The following TYR variants were observed in gnomAD, a reference collection of about 807,000 sequenced individuals.
TYR encodes the protein tyrosinase.
TYR carries 58 observed loss-of-function variants against 51.5 expected under a neutral mutation model. That is an observed-to-expected ratio of 1.13 (90% confidence interval 0.91 to 1.40). TYR has a LOEUF of 1.40. Among genes scored for constraint, TYR ranks in the 40% most tolerant of loss-of-function variants. The pLI, the probability that TYR is intolerant of heterozygous loss-of-function variation, is 0.00. For synonymous variants in TYR, 263 were observed against 235.2 expected (o/e 1.12, Z -1.08); for missense variants, 732 against 647.4 (o/e 1.13, Z -1.42).
At chr11:89,236,942 C>T (rs1052389069) in intron 3 of TYR, among the ~76,000 whole-genome samples, 3 of 152,170 alleles carry the variant, frequency 2.0e-5, no homozygotes, top group Admixed American at 6.6e-5. Context: ...CATTTCCCAA[C>T]TTGGCATTCA....
chr11:89,249,218 G>C (rs1436037667), intron 3 of TYR, among the ~76,000 whole-genome samples: 2 of 152,000 alleles, frequency 1.3e-5, no homozygotes, highest in African/African-American at 4.8e-5. Context: ...TATCTATTTA[G>C]CATTAATCAC....
intron 4 of TYR, among the ~76,000 whole-genome samples, chr11:89,293,162 T>C (rs924590798): frequency 6.6e-6 from 1 of 152,120 alleles, no homozygotes; most frequent in Non-Finnish European, 1.5e-5. Flanking sequence ...TATAGAATCA[T>C]CTGTTTTATT....
intron 1 of TYR, among the ~76,000 whole-genome samples, chr11:89,186,309 C>G (rs986440143): frequency 1.3e-5 from 2 of 152,160 alleles, no homozygotes; most frequent in African/African-American, 4.8e-5. Flanking sequence ...GATCTGTGGT[C>G]TTGGTGTTGA....
chr11:89,258,721 C>T (rs1944423559), intron 3 of TYR, among the ~76,000 whole-genome samples: 1 of 151,992 alleles, frequency 6.6e-6, no homozygotes, highest in African/African-American at 2.4e-5. Context: ...TAGGCACTGG[C>T]CTGTTTTCTA....
chr11:89,275,752 ACAGT>A (rs934372639), intron 3 of TYR, among the ~76,000 whole-genome samples: 2 of 151,840 alleles, frequency 1.3e-5, no homozygotes, highest in African/African-American at 4.8e-5. Flanking sequence ...AGGTACAGAA[ACAGT>A]CAGATTGGTT....
At position 89,178,060 on chromosome 11, in the gene TYR, G is replaced by A. The variant is rs61753179; in HGVS notation, c.107G>A (p.Cys36Tyr). 1.9e-6 allele frequency: 3 copies of A among 1,614,218 alleles called. No homozygotes were observed. Among genetic ancestry groups the A allele is most frequent in the Middle Eastern group, 1.7e-4 (1 of 6,060 alleles). Reference protein sequence around the residue: ...SSKNLMEKECCPPWSGDRSPC... With the variant: ...SSKNLMEKECYPPWSGDRSPC... The stretch of plus-strand genomic sequence containing the variant: ...AAGAACCTGATGGAGAAGGAATGCT[G>A]TCCACCGTGGAGCGGGGACAGGAGT... The change falls in exon 1 of 5, where the codon TGT (cysteine) becomes TAT (tyrosine). Residue 36 changes from cysteine to tyrosine, a missense_variant. Cys to Tyr is a radical substitution (Grantham distance 194). Transcript: ENST00000263321.
At chr11:89,272,649 C>A (rs1230717991) in intron 3 of TYR, among the ~76,000 whole-genome samples, 1 of 151,882 alleles carries the variant, frequency 6.6e-6, no homozygotes, top group East Asian at 1.9e-4. Flanking sequence ...TAAAGCCAGG[C>A]ATTGAGTTCT....
At position 89,295,123 on chromosome 11, in the gene TYR, G is replaced by A; in HGVS notation, c.1367-20G>A. On this transcript the variant is annotated intron_variant, in intron 4 of 4. Coordinates refer to ENST00000263321, the MANE Select transcript of TYR (RefSeq NM_000372.5). ...CAATGGTGGTAACAATAAAAACAAT[G>A]GGATGTCTTTTTATTTCAGACCCAG... The A allele has an allele frequency of 6.2e-7, 1 of 1,613,066 alleles. No homozygotes were observed. Among genetic ancestry groups the A allele is most frequent in the Non-Finnish European group, 8.5e-7 (1 of 1,179,562 alleles).
At chr11:89,265,876 T>C (rs1336341147) in intron 3 of TYR, among the ~76,000 whole-genome samples, 1 of 151,874 alleles carries the variant, frequency 6.6e-6, no homozygotes, top group African/African-American at 2.4e-5. Context: ...ATTTTTCCAA[T>C]TGGAATAGAG....
chr11:89,178,030 C>T lies in TYR; in HGVS notation c.77C>T (p.Ser26Phe). The change falls in exon 1 of 5, where the codon TCC becomes TTC. Residue 26 changes from serine to phenylalanine, a missense_variant. Transcript: ENST00000263321. ...SAGHFPRACV[S>F]SKNLMEKECC... ...GGCCATTTCCCTAGAGCCTGTGTCT[C>T]CTCTAAGAACCTGATGGAGAAGGAA... 6.2e-7 allele frequency: 1 copy of T among 1,614,166 alleles called. No homozygotes were observed. The highest frequency in any genetic ancestry group is 1.7e-4 in the Middle Eastern group (1 of 6,060).
At chr11:89,264,439 T>A (rs1293968709) in intron 3 of TYR, among the ~76,000 whole-genome samples, 1 of 151,858 alleles carries the variant, frequency 6.6e-6, no homozygotes, top group African/African-American at 2.4e-5. Context: ...TAAACTAATG[T>A]CATGGGAGTT....
At chr11:89,191,736 G>A (rs567936678) in intron 2 of TYR, among the ~76,000 whole-genome samples, 17 of 152,104 alleles carry the variant, frequency 1.1e-4, no homozygotes, top group African/African-American at 1.9e-4. Context: ...TTCCAGCCTC[G>A]GTAACAAAGT....
At chr11:89,229,130 T>G (rs949637991) in intron 3 of TYR, among the ~76,000 whole-genome samples, 1 of 152,130 alleles carries the variant, frequency 6.6e-6, no homozygotes, top group Non-Finnish European at 1.5e-5. Flanking sequence ...TTCATTCATG[T>G]CCACAGGAAC....
Position 89,295,345 on chromosome 11 carries a change from C to T in TYR, c.1569C>T (p.Ser523=). The T allele has an allele frequency of 2.5e-6, 4 of 1,612,106 alleles. No homozygotes were observed. The highest frequency in any genetic ancestry group is 1.7e-4 in the Middle Eastern group (1 of 6,018). ...TCATGGAGAAAGAGGATTACCACAG[C>T]TTGTATCAGAGCCATTTATAAAAGG... is the stretch of plus-strand genomic sequence containing the variant. ...PLLMEKEDYH[S]LYQSHL is the part of the protein sequence containing the mutation. Residue 523 remains serine (S), a synonymous_variant, in exon 5 of 5, where the codon AGC becomes AGT. Transcript: ENST00000263321.
In TYR at chr11:89,214,036, C is replaced by T. The variant is rs1339495588; in HGVS notation, c.1037-13787C>T. Among the ~76,000 whole-genome samples the T allele has an allele frequency of 2.0e-5, 3 of 152,046 alleles. No homozygotes were observed. In the East Asian group the frequency reaches 5.8e-4, roughly 29 times the overall value. On this transcript the variant is annotated intron_variant, in intron 2 of 4. Coordinates refer to ENST00000263321, the MANE Select transcript of TYR (RefSeq NM_000372.5). ...CCGTTGAGAACACAGGCAAAGACTT[C>T]ATGACTAAAACACCAAAAGCAATGG...
At chr11:89,237,133 C>T (rs1052016861) in intron 3 of TYR, among the ~76,000 whole-genome samples, 1 of 152,140 alleles carries the variant, frequency 6.6e-6, no homozygotes, top group African/African-American at 2.4e-5. Context: ...TTATTTTGGA[C>T]ACATCAATTA....
chr11:89,204,756 C>T lies in TYR; in HGVS notation c.1036+13338C>T, dbSNP rs374340543. 1.2e-4 allele frequency among the ~76,000 whole-genome samples: 18 copies of T among 151,152 alleles called. No individual in the cohort carries two copies. The East Asian group carries it at 3.5e-3, about 29-fold the overall frequency. ...ATAAGATCTGTAGTCTCATAAAATA[C>T]CCAAAATGTCCAGGTTGAAAACAGA... On this transcript the variant is annotated intron_variant, in intron 2 of 4. Transcript: ENST00000263321.
intron 2 of TYR, among the ~76,000 whole-genome samples, chr11:89,197,898 G>C (rs1165812142): frequency 6.6e-6 from 1 of 151,658 alleles, no homozygotes; most frequent in Non-Finnish European, 1.5e-5. Flanking sequence ...CTGATATTAT[G>C]CTTCCTTCTC....
chr11:89,267,572 T>C (rs913213539), intron 3 of TYR, among the ~76,000 whole-genome samples: 7 of 151,956 alleles, frequency 4.6e-5, no homozygotes, highest in African/African-American at 1.7e-4. Flanking sequence ...AAACATAATA[T>C]ATTCTCCTCA....
Sources: allele counts gnomAD v4.1 joint callset (sites outside exome capture counted in the v4.1 genomes callset), GRCh38; gene constraint gnomAD v4.1.1; transcripts MANE v1.5; gene names NCBI Gene and HGNC (gene_info 2026-07-23, HGNC 2026-07-21).